The following B4GALT6 variants were observed in gnomAD, a reference collection of about 807,000 sequenced individuals.
B4GALT6 encodes the protein UDP-Gal:beta-GlcNAc beta-1,4-galactosyltransferase 6.
In B4GALT6, 14 loss-of-function variants were observed where a neutral mutation model predicts 46.3. The observed-to-expected ratio is 0.30, with a 90% confidence interval of 0.20 to 0.47. The LOEUF (loss-of-function observed/expected upper bound fraction) is 0.47. Ranked by LOEUF, B4GALT6 falls within the 20% of genes least tolerant of loss-of-function variation. The pLI, the probability that B4GALT6 is intolerant of heterozygous loss-of-function variation, is 0.99. For missense variants in B4GALT6, 386 were observed against 480.1 expected (o/e 0.80, Z 1.83); for synonymous variants, 168 against 162.0 (o/e 1.04, Z -0.28).
chr18:31,694,370 C>T, the B4GALT6 span, among the ~76,000 whole-genome samples: 1 of 152,174 alleles, frequency 6.6e-6, no homozygotes, highest in Admixed American at 6.5e-5. Context: ...GGTGGAAGTA[C>T]TACTGCTTGC....
the B4GALT6 span, among the ~76,000 whole-genome samples, chr18:31,709,049 G>T: frequency 2.0e-5 from 3 of 152,140 alleles, no homozygotes; most frequent in African/African-American, 7.2e-5. Context: ...CTCTAGCTGT[G>T]TGACCTTTGA....
intron 4 of B4GALT6, 86 bp from the exon 5 acceptor site, chr18:31,638,846 T>G: frequency 8.5e-7 from 1 of 1,174,328 alleles, no homozygotes; most frequent in Non-Finnish European, 1.2e-6. Flanking sequence ...TGAAAACTTC[T>G]GATGGTTTTA....
intron 2 of B4GALT6, 108 bp from the exon 3 acceptor site, chr18:31,658,197 C>T: frequency 1.3e-6 from 1 of 744,568 alleles, no homozygotes; most frequent in Non-Finnish European, 2.2e-6. Flanking sequence ...ATACAATCTA[C>T]AGAAGTACTT....
chr18:31,714,795 C>T, the B4GALT6 span, among the ~76,000 whole-genome samples: 1 of 152,166 alleles, frequency 6.6e-6, no homozygotes, highest in African/African-American at 2.4e-5. Context: ...AGACCACGAT[C>T]ATCTCCCTGA....
At chr18:31,651,836 T>C (rs1020560076) in intron 3 of B4GALT6, among the ~76,000 whole-genome samples, 3 of 152,158 alleles carry the variant, frequency 2.0e-5, no homozygotes, top group Non-Finnish European at 4.4e-5. Flanking sequence ...AGTGGCGAGA[T>C]CTCAGCTCAC....
rs202099147 is a variant in B4GALT6, at chr18:31,670,763, TTTA to T, written c.116-4394_116-4392del. On this transcript the variant is annotated intron_variant, in intron 1 of 8. Transcript: ENST00000306851. Reference sequence around the variant, plus strand: ...GTAGTATAAAATGTAATGTCTTTTTTTTATTATTATACTTTAAGTTCTGGGGTA... The same window carrying T: ...GTAGTATAAAATGTAATGTCTTTTTTTTATTATACTTTAAGTTCTGGGGTA... Among the ~76,000 whole-genome samples the T allele has an allele frequency of 1.7e-3, 253 of 152,270 alleles. 4 individuals are homozygous for T. The East Asian group carries it at 0.037, about 23-fold the overall frequency.
intron 1 of B4GALT6, among the ~76,000 whole-genome samples, chr18:31,671,121 C>T (rs954273977): frequency 8.5e-5 from 13 of 152,080 alleles, no homozygotes; most frequent in African/African-American, 2.9e-4. Flanking sequence ...GTGTATGTGC[C>T]ACATTTTCTT....
chr18:31,697,620 C>T, the B4GALT6 span, among the ~76,000 whole-genome samples: 2 of 152,146 alleles, frequency 1.3e-5, no homozygotes, highest in African/African-American at 2.4e-5. Flanking sequence ...AGTTAAACTA[C>T]AAACTAAATT....
intron 3 of B4GALT6, among the ~76,000 whole-genome samples, chr18:31,656,634 C>T (rs2074143317): frequency 6.6e-6 from 1 of 151,822 alleles, no homozygotes; most frequent in Non-Finnish European, 1.5e-5. Flanking sequence ...ATCTGTATGG[C>T]CTCTGGGTAA....
chr18:31,678,226 T>C, intron 1 of B4GALT6, among the ~76,000 whole-genome samples: 1 of 152,126 alleles, frequency 6.6e-6, no homozygotes, highest in East Asian at 1.9e-4. Context: ...ATCACAGCTT[T>C]AAGAGGCGGT....
chr18:31,653,020 CT>C (rs766019120), intron 3 of B4GALT6, among the ~76,000 whole-genome samples: 669 of 141,144 alleles, frequency 4.7e-3, no homozygotes, highest in African/African-American at 6.0e-3. Flanking sequence ...TTTATTTTTG[CT>C]TTTTTTTTTT....
chr18:31,723,033 G>A, the B4GALT6 span, among the ~76,000 whole-genome samples: 1 of 152,196 alleles, frequency 6.6e-6, no homozygotes, highest in Admixed American at 6.5e-5. Context: ...TGTTTTCACT[G>A]CAGGCTGCAG....
chr18:31,650,650 T>C (rs1220610336), intron 3 of B4GALT6, among the ~76,000 whole-genome samples: 1 of 152,248 alleles, frequency 6.6e-6, no homozygotes. Flanking sequence ...CTCTCTAATA[T>C]ATTTTCATGA....
In B4GALT6 at chr18:31,623,661, C is replaced by T. The variant is rs1439541383; in HGVS notation, c.*1953G>A. The T allele has an allele frequency of 1.3e-5, 2 of 151,830 alleles. No homozygotes were observed. Among genetic ancestry groups the T allele is most frequent in the Non-Finnish European group, 3.0e-5 (2 of 67,720 alleles). The allele number at this position is 151,830 out of a possible 1,614,324, so 9.4% of individuals were successfully genotyped here. ...TTCAGAAGGTTTGATTTTTCGAGTA[C>T]CATAAAAAAACTGAAATATAAATAT... is the stretch of plus-strand genomic sequence containing the variant. On this transcript the variant is annotated 3_prime_UTR_variant, in exon 9 of 9. Coordinates refer to ENST00000306851, the MANE Select transcript of B4GALT6 (RefSeq NM_004775.5).
intron 1 of B4GALT6, among the ~76,000 whole-genome samples, chr18:31,670,387 A>C (rs977814645): frequency 3.3e-5 from 5 of 151,146 alleles, no homozygotes; most frequent in African/African-American, 1.2e-4. Flanking sequence ...CCTCTAACAA[A>C]GGTGAATTAT....
chr18:31,709,156 T>C, the B4GALT6 span, among the ~76,000 whole-genome samples: 1 of 152,160 alleles, frequency 6.6e-6, no homozygotes, highest in South Asian at 2.1e-4. Context: ...TTTAATTCCA[T>C]GAAAGAACAT....
chr18:31,704,887 T>G, the B4GALT6 span, among the ~76,000 whole-genome samples: 1 of 152,324 alleles, frequency 6.6e-6, no homozygotes, highest in East Asian at 1.9e-4. Flanking sequence ...GAGAGATATA[T>G]GTAGAGAAAT....
the B4GALT6 span, among the ~76,000 whole-genome samples, chr18:31,709,874 T>C: frequency 3.7e-3 from 564 of 151,752 alleles, 7 homozygotes; most frequent in Middle Eastern, 0.024. Context: ...AGGCCGATCA[T>C]CTGAGGTCAG....
intron 1 of B4GALT6, among the ~76,000 whole-genome samples, chr18:31,678,870 T>TAGA (rs1330101740): frequency 6.6e-6 from 1 of 152,118 alleles, no homozygotes; most frequent in African/African-American, 2.4e-5. Flanking sequence ...AAGCCACAGC[T>TAGA]AGAACCATCA....
Sources: gnomAD v4.1 joint callset for allele counts (sites outside exome capture counted in the v4.1 genomes callset) on GRCh38, gnomAD v4.1.1 for gene constraint, MANE v1.5 for transcripts, NCBI Gene and HGNC (gene_info 2026-07-23, HGNC 2026-07-21) for gene names.